B3GAT2: variants seen among roughly 807,000 people sequenced by gnomAD.
B3GAT2 encodes beta-1,3-glucuronyltransferase 2.
In B3GAT2, 26 loss-of-function variants were observed where a neutral mutation model predicts 27.8. That is an observed-to-expected ratio of 0.93 (90% CI 0.68 to 1.30). The LOEUF is 1.30. Among genes scored for constraint, B3GAT2 ranks in the 50% most tolerant of loss-of-function variants. The probability of loss-of-function intolerance (pLI) is 0.00; values close to 1 mark genes in which losing one functional copy is unlikely to be tolerated. For synonymous variants in B3GAT2, 218 were observed against 195.1 expected, an observed-to-expected ratio of 1.12 and a Z score of -0.98; for missense variants, 458 against 459.0, an observed-to-expected ratio of 1.00 and a Z score of 0.02.
intron 2 of B3GAT2, among the ~76,000 whole-genome samples, chr6:70,878,481 T>C (rs1252271631): frequency 6.6e-6 from 1 of 152,228 alleles, no homozygotes; most frequent in Non-Finnish European, 1.5e-5. Context: ...CCTGCTCTTT[T>C]GTTGTCTGTC....
At chr6:70,877,684 G>C (rs918119196) in intron 2 of B3GAT2, among the ~76,000 whole-genome samples, 3 of 152,192 alleles carry the variant, frequency 2.0e-5, no homozygotes, top group African/African-American at 7.2e-5. Context: ...GGCGGCGGGG[G>C]TGGAGCTGCT....
At chr6:70,874,613 A>G (rs1771984731) in intron 2 of B3GAT2, among the ~76,000 whole-genome samples, 1 of 152,134 alleles carries the variant, frequency 6.6e-6, no homozygotes, top group African/African-American at 2.4e-5. Flanking sequence ...GCCCCTACGG[A>G]ATGAAGTTTT....
rs1181739809 is a variant in B3GAT2 at position 70,857,409 on chromosome 6, ATTT to A, written c.*4251_*4253del. ...CACATGGATTAAAAAAAATCTATGA[ATTT>A]TTTTGTAATCATAACAAAATATTAG... On this transcript the variant is annotated 3_prime_UTR_variant, in exon 4 of 4. Coordinates refer to ENST00000230053, the MANE Select transcript of B3GAT2 (RefSeq NM_080742.3). 2.4e-5 allele frequency: 4 copies of A among 168,554 alleles called. No homozygotes were observed. Among genetic ancestry groups the A allele is most frequent in the Non-Finnish European group, 5.1e-5 (4 of 78,712 alleles). 10.4% of individuals were successfully genotyped at this position (168,554 alleles called of 1,614,324 possible). A position where few individuals can be genotyped will look rare whatever the true frequency, so the allele number is the denominator to read the frequency against.
rs961412891 is a variant in B3GAT2 at position 70,860,500 on chromosome 6, T to C, written c.*1163A>G. On this transcript the variant is annotated 3_prime_UTR_variant, in exon 4 of 4. Coordinates refer to ENST00000230053, the MANE Select transcript of B3GAT2 (RefSeq NM_080742.3). ...TGGTCTGTACTGATTCAATTTGATG[T>C]GGTGAAAAGCAGGTTGATAAATCAT... 3.7e-5 allele frequency: 25 copies of C among 675,638 alleles called. No homozygotes were observed. Among genetic ancestry groups the C allele is most frequent in the South Asian group, 2.8e-4 (5 of 17,860 alleles). 41.9% of individuals were successfully genotyped at this position (675,638 alleles called of 1,614,324 possible).
intron 2 of B3GAT2, among the ~76,000 whole-genome samples, chr6:70,893,833 G>A (rs1582359738): frequency 6.6e-6 from 1 of 152,060 alleles, no homozygotes; most frequent in African/African-American, 2.4e-5. Context: ...TCTCACCACC[G>A]AATCCCCAGT....
intron 1 of B3GAT2, among the ~76,000 whole-genome samples, chr6:70,928,293 A>T (rs981297003): frequency 1.3e-5 from 2 of 152,170 alleles, no homozygotes; most frequent in Admixed American, 1.3e-4. Context: ...GCCAGAGCAA[A>T]CACATTCAAA....
intron 1 of B3GAT2, among the ~76,000 whole-genome samples, chr6:70,942,355 T>C (rs1765406876): frequency 1.3e-5 from 2 of 152,128 alleles, no homozygotes; most frequent in South Asian, 4.1e-4. Context: ...TTTCTCCACC[T>C]CATCTTCTCA....
chr6:70,858,164 A>G lies in B3GAT2; in HGVS notation c.*3499T>C. On this transcript the variant is annotated 3_prime_UTR_variant, in exon 4 of 4. Coordinates refer to ENST00000230053, the MANE Select transcript of B3GAT2 (RefSeq NM_080742.3). ...CCCCCAAGGAGGAATGGTGGGACAA[A>G]TGGGTGCACCCCAGAGTAAGTTTGG... 4 of 1,613,956 alleles carry G rather than the reference A, an allele frequency of 2.5e-6. No homozygotes were observed. The highest frequency in any genetic ancestry group is 3.4e-6 in the Non-Finnish European group (4 of 1,179,984).
chr6:70,870,667 T>C (rs1582341268), intron 2 of B3GAT2, among the ~76,000 whole-genome samples: 1 of 151,982 alleles, frequency 6.6e-6, no homozygotes, highest in Admixed American at 6.6e-5. Context: ...AACAGTTATG[T>C]GTGTGTGTTC....
intron 1 of B3GAT2, among the ~76,000 whole-genome samples, chr6:70,909,457 CT>C (rs1016224672): frequency 4.6e-5 from 7 of 152,120 alleles, no homozygotes; most frequent in African/African-American, 1.7e-4. Context: ...TAATAAGGGG[CT>C]TTTAAAAATA....
At chr6:70,949,168 C>T (rs1381218929) in intron 1 of B3GAT2, among the ~76,000 whole-genome samples, 1 of 151,982 alleles carries the variant, frequency 6.6e-6, no homozygotes, top group African/African-American at 2.4e-5. Context: ...GTCTAAAACA[C>T]CAAAAGCATT....
At chr6:70,879,575 T>C (rs1453384583) in intron 2 of B3GAT2, among the ~76,000 whole-genome samples, 1 of 152,162 alleles carries the variant, frequency 6.6e-6, no homozygotes, top group African/African-American at 2.4e-5. Flanking sequence ...AAATCAGTCA[T>C]GATCTGCATC....
intron 1 of B3GAT2, among the ~76,000 whole-genome samples, chr6:70,926,131 C>G (rs373107273): frequency 1.3e-3 from 194 of 152,280 alleles, no homozygotes; most frequent in African/African-American, 4.4e-3. Flanking sequence ...CTAGCATCAA[C>G]ATCAACAAAA....
At chr6:70,885,602 A>G (rs147607326) in intron 2 of B3GAT2, among the ~76,000 whole-genome samples, 1 of 152,308 alleles carries the variant, frequency 6.6e-6, no homozygotes, top group East Asian at 1.9e-4. Flanking sequence ...AATGAAGTTC[A>G]TCATGAGCCC....
rs116737650 is a variant in B3GAT2 at position 70,874,733 on chromosome 6, A to G, written c.737-12755T>C. ...CCCCAGGGAAAAGCCTGTTTGCTCT[A>G]GTGAATGAGGTCAAATAAAGACAAG... On this transcript the variant is annotated intron_variant, in intron 2 of 3. Transcript: ENST00000230053. Among the ~76,000 whole-genome samples, 1,421 of 152,310 alleles carry G rather than the reference A, an allele frequency of 9.3e-3. 19 individuals are homozygous for G. Among genetic ancestry groups the G allele is most frequent in the African/African-American group, 0.032 (1,349 of 41,570 alleles).
Position 70,857,689 on chromosome 6 carries a change from G to T in B3GAT2, c.*3974C>A. On this transcript the variant is annotated 3_prime_UTR_variant, in exon 4 of 4. Transcript: ENST00000230053. Reference sequence around the variant, plus strand: ...GATATTTTGTGTGGCTGTTGCATATGATTTACATTTCTTAATTAAATTTAC... The same window carrying T: ...GATATTTTGTGTGGCTGTTGCATATTATTTACATTTCTTAATTAAATTTAC... 2 of 533,692 alleles carry T rather than the reference G, an allele frequency of 3.7e-6. No individual in the cohort carries two copies. Among genetic ancestry groups the T allele is most frequent in the Non-Finnish European group, 6.7e-6 (2 of 298,962 alleles). 33.1% of individuals were successfully genotyped at this position (533,692 alleles called of 1,614,324 possible).
chr6:70,910,868 C>T (rs569555927), intron 1 of B3GAT2, among the ~76,000 whole-genome samples: 2 of 152,174 alleles, frequency 1.3e-5, no homozygotes, highest in Non-Finnish European at 2.9e-5. Context: ...AATACCCATT[C>T]TGACTGGTGT....
chr6:70,897,786 T>G (rs1772417127), intron 1 of B3GAT2, among the ~76,000 whole-genome samples: 1 of 152,010 alleles, frequency 6.6e-6, no homozygotes, highest in South Asian at 2.1e-4. Flanking sequence ...TTCAGTTAAT[T>G]TTTATATATG....
chr6:70,869,320 CATT>C (rs1272832614), intron 2 of B3GAT2, among the ~76,000 whole-genome samples: 1 of 152,074 alleles, frequency 6.6e-6, no homozygotes, highest in Non-Finnish European at 1.5e-5. Context: ...CTGGTGATGA[CATT>C]ATTGTAGTTT....
Sources: gnomAD v4.1 joint callset for allele counts (sites outside exome capture counted in the v4.1 genomes callset) on GRCh38, gnomAD v4.1.1 for gene constraint, MANE v1.5 for transcripts, NCBI Gene and HGNC (gene_info 2026-07-23, HGNC 2026-07-21) for gene names.